The following MYO3A variants were observed in gnomAD, a reference collection of about 807,000 sequenced individuals.
MYO3A encodes myosin-IIIa.
Under a neutral mutation model 192.7 loss-of-function variants are expected in MYO3A, and 180 were observed. The observed-to-expected ratio is 0.93, with a 90% CI of 0.83 to 1.06. The LOEUF (loss-of-function observed/expected upper bound fraction) is 1.06, where lower values mean the gene tolerates loss of function less well. Ranked by LOEUF, MYO3A falls within the 50% of genes least tolerant of loss-of-function variation. The probability of loss-of-function intolerance (pLI) is 0.00; values close to 1 mark genes in which losing one functional copy is unlikely to be tolerated. For missense variants in MYO3A, 1,896 were observed against 1,905.0 expected (o/e 1.00, Z 0.09); for synonymous variants, 628 against 645.3 (o/e 0.97, Z 0.41).
chr10:26,064,855 C>T lies in MYO3A; in HGVS notation c.954-2120C>T, dbSNP rs74126382. On this transcript the variant is annotated intron_variant, in intron 10 of 34. Transcript: ENST00000642920. ...TCATAGGAAGGAGTAGGTTTGGAGACAGAGTATTTAGGAGTGTGGTTTGGG... is the reference window on the plus strand; with the variant it reads ...TCATAGGAAGGAGTAGGTTTGGAGATAGAGTATTTAGGAGTGTGGTTTGGG... Among the ~76,000 whole-genome samples, 1,213 of 152,168 alleles carry T rather than the reference C, an allele frequency of 8.0e-3. 15 individuals are homozygous for T. The highest frequency in any genetic ancestry group is 0.027 in the African/African-American group (1,134 of 41,498).
At chr10:26,029,833 T>G (rs1361713348) in intron 10 of MYO3A, among the ~76,000 whole-genome samples, 1 of 152,194 alleles carries the variant, frequency 6.6e-6, no homozygotes, top group Non-Finnish European at 1.5e-5. Context: ...AGTCTAGGGT[T>G]CAGAATTTTA....
chr10:25,945,273 G>A (rs915500407), intron 2 of MYO3A, among the ~76,000 whole-genome samples: 1 of 152,046 alleles, frequency 6.6e-6, no homozygotes, highest in Non-Finnish European at 1.5e-5. Flanking sequence ...ATTAAGGCTT[G>A]TAATGCAGTC....
chr10:25,981,670 T>C (rs150421313), intron 4 of MYO3A, among the ~76,000 whole-genome samples: 1 of 152,228 alleles, frequency 6.6e-6, no homozygotes, highest in African/African-American at 2.4e-5. Context: ...AATAAGTACA[T>C]GAAAAGATGG....
chr10:26,096,865 T>C (rs1837073238), intron 17 of MYO3A, among the ~76,000 whole-genome samples, 183 bp downstream of exon 17: 1 of 151,760 alleles, frequency 6.6e-6, no homozygotes, highest in African/African-American at 2.4e-5. Flanking sequence ...GGCCTTGAGA[T>C]ATAATTGAAT....
chr10:26,101,559 G>A (rs1332460542), intron 17 of MYO3A, among the ~76,000 whole-genome samples: 2 of 152,114 alleles, frequency 1.3e-5, no homozygotes, highest in African/African-American at 4.8e-5. Flanking sequence ...CACGTTTAGT[G>A]CTTCCTTCAG....
intron 20 of MYO3A, among the ~76,000 whole-genome samples, chr10:26,131,983 T>C (rs188323599): frequency 6.6e-6 from 1 of 152,374 alleles, no homozygotes; most frequent in East Asian, 1.9e-4. Context: ...ATAGTATTCA[T>C]ATTTCAGCCT....
At chr10:26,090,279 C>A (rs762543289) in intron 15 of MYO3A, among the ~76,000 whole-genome samples, 1 of 152,100 alleles carries the variant, frequency 6.6e-6, no homozygotes, top group East Asian at 1.9e-4. Context: ...TATAGAAGAG[C>A]ACATGAACAG....
intron 10 of MYO3A, among the ~76,000 whole-genome samples, chr10:26,037,713 C>T (rs1410249869): frequency 6.6e-6 from 1 of 152,162 alleles, no homozygotes. Context: ...CACTGTTCCT[C>T]AGGCTGTCCA....
intron 1 of MYO3A, among the ~76,000 whole-genome samples, chr10:25,934,901 G>C (rs1302795151): frequency 6.6e-6 from 1 of 152,078 alleles, no homozygotes; most frequent in Non-Finnish European, 1.5e-5. Context: ...GGGTGAACTT[G>C]GGAAGGAAAC....
chr10:26,078,755 G>A (rs1835750648), intron 14 of MYO3A, among the ~76,000 whole-genome samples: 1 of 151,952 alleles, frequency 6.6e-6, no homozygotes, highest in Non-Finnish European at 1.5e-5. Context: ...TCTTGATTTT[G>A]TTTTTGACTC....
At position 26,061,670 on chromosome 10, in the gene MYO3A, A is replaced by G. The variant is rs556773596; in HGVS notation, c.954-5305A>G. On this transcript the variant is annotated intron_variant, in intron 10 of 34. Transcript: ENST00000642920. ...TAGGGAGCCATCTGAGGTTGTTTTA[A>G]TCATCACAATGACCAAATCTTTTCT... Among the ~76,000 whole-genome samples, 126 of 152,310 alleles carry G rather than the reference A, an allele frequency of 8.3e-4. 1 individual carries two copies. The highest frequency in any genetic ancestry group is 2.4e-3 in the Admixed American group (37 of 15,296).
intron 17 of MYO3A, 138 bp from the exon 18 acceptor site, chr10:26,120,538 C>A: frequency 9.0e-7 from 1 of 1,109,870 alleles, no homozygotes; most frequent in East Asian, 2.4e-5. Context: ...CTACTTGGAT[C>A]TCAGTGTGGC....
chr10:26,021,658 C>T lies in MYO3A; in HGVS notation c.731+10C>T, dbSNP rs756155171. ...TCTTCAAAATACCAAGGTCAGATGACTAACATTGGGTCCAGTATCTGCAGC... is the reference window on the plus strand; with the variant it reads ...TCTTCAAAATACCAAGGTCAGATGATTAACATTGGGTCCAGTATCTGCAGC... On this transcript the variant is annotated intron_variant, in intron 8 of 34. Coordinates refer to ENST00000642920, the MANE Select transcript of MYO3A (RefSeq NM_017433.5). The T allele has an allele frequency of 2.2e-5, 36 of 1,613,952 alleles. No individual in the cohort carries two copies. In the South Asian group the frequency reaches 4.0e-4, roughly 18 times the overall value.
chr10:26,054,318 T>G (rs1844189737), intron 10 of MYO3A, among the ~76,000 whole-genome samples: 5 of 152,252 alleles, frequency 3.3e-5, no homozygotes, highest in Admixed American at 3.3e-4. Context: ...TATTAAATAC[T>G]CTAGGATTTA....
chr10:26,036,249 A>AT (rs34659115), intron 10 of MYO3A, among the ~76,000 whole-genome samples: 4 of 151,732 alleles, frequency 2.6e-5, no homozygotes, highest in East Asian at 1.9e-4. Flanking sequence ...CCCTAAGACT[A>AT]TTTTTTTAAT....
At chr10:26,169,912 A>G (rs1208349656) in intron 28 of MYO3A, among the ~76,000 whole-genome samples, 2 of 152,246 alleles carry the variant, frequency 1.3e-5, no homozygotes, top group East Asian at 3.8e-4. Context: ...CCAACTTAGT[A>G]AAAATATTCT....
chr10:26,031,673 A>C (rs770289887), intron 10 of MYO3A, among the ~76,000 whole-genome samples: 6 of 152,176 alleles, frequency 3.9e-5, no homozygotes, highest in Non-Finnish European at 7.3e-5. Context: ...ATTCTATTTC[A>C]TTTTATTTTA....
At chr10:26,003,894 C>T (rs754286865) in intron 6 of MYO3A, among the ~76,000 whole-genome samples, 5 of 152,032 alleles carry the variant, frequency 3.3e-5, no homozygotes, top group Non-Finnish European at 5.9e-5. Context: ...ACCCACATGC[C>T]CCATTTTAGA....
At chr10:26,126,443 C>T (rs552278513) in intron 19 of MYO3A, among the ~76,000 whole-genome samples, 3 of 152,124 alleles carry the variant, frequency 2.0e-5, no homozygotes, top group Non-Finnish European at 4.4e-5. Flanking sequence ...CACCATTATA[C>T]TATGTATAGT....
Sources: allele counts gnomAD v4.1 joint callset (sites outside exome capture counted in the v4.1 genomes callset), GRCh38; gene constraint gnomAD v4.1.1; transcripts MANE v1.5; gene names NCBI Gene and HGNC (gene_info 2026-07-23, HGNC 2026-07-21).